Variants in CBLB observed in about 807,000 individuals in gnomAD.
The protein encoded by CBLB is E3 ubiquitin-protein ligase CBL-B.
CBLB carries 31 observed loss-of-function variants against 104.9 expected under a neutral mutation model. The observed-to-expected ratio is 0.30, with a 90% CI of 0.22 to 0.40. The LOEUF (loss-of-function observed/expected upper bound fraction) is 0.40. Ranked by LOEUF, CBLB falls within the 10% of genes least tolerant of loss-of-function variation. The pLI, the probability that CBLB is intolerant of heterozygous loss-of-function variation, is 1.00. For missense variants in CBLB, 1,062 were observed against 1,214.6 expected, an observed-to-expected ratio of 0.87 and a Z score of 1.87; for synonymous variants, 440 against 422.6, an observed-to-expected ratio of 1.04 and a Z score of -0.51.
At position 105,670,972 on chromosome 3, in the gene CBLB, G is replaced by T. The variant is rs1003097967; in HGVS notation, c.2570-620C>A. 5 of 171,610 alleles carry T rather than the reference G, an allele frequency of 2.9e-5. No homozygotes were observed. The East Asian group carries it at 4.3e-4, about 15-fold the overall frequency. The allele number at this position is 171,610 out of a possible 1,614,324, so 10.6% of individuals were successfully genotyped here. ...TAGTAAATTTAATTGTTAAAATTAT[G>T]CCATTTAGTAATTAACATTTGAATA... On this transcript the variant is annotated intron_variant, in intron 17 of 18. Transcript: ENST00000394030.
rs1209960847 is a variant in CBLB, at chr3:105,751,613, A to G, written c.572T>C (p.Ile191Thr). 6.2e-7 allele frequency: 1 copy of G among 1,613,114 alleles called. No individual in the cohort carries two copies. Among genetic ancestry groups the G allele is most frequent in the Non-Finnish European group, 8.5e-7 (1 of 1,179,240 alleles). ...FWRKFFGDKT[I>T]VPWKVFRQCL... is the part of the protein sequence containing the mutation. Reference sequence around the variant, plus strand: ...CTGTCTGAATACTTTCCATGGTACGATAGTTCTGTGCAAGGTGGAAAAAAA... The same window carrying G: ...CTGTCTGAATACTTTCCATGGTACGGTAGTTCTGTGCAAGGTGGAAAAAAA... Residue 191 changes from isoleucine (I) to threonine (T), a missense_variant, in exon 5 of 19, where the codon ATC (isoleucine) becomes ACC (threonine). Around this residue, in one of 2 missense-constraint regions of CBLB, gnomAD observed 457 missense variants for 632.0 expected, o/e 0.72. Transcript: ENST00000394030.
chr3:105,780,662 T>TTTG (rs1275845795), intron 3 of CBLB, among the ~76,000 whole-genome samples: 2 of 113,800 alleles, frequency 1.8e-5, no homozygotes, highest in African/African-American at 3.5e-5. Context: ...TGTTTTTTGT[T>TTTG]TTTTTTTTTT....
intron 12 of CBLB, among the ~76,000 whole-genome samples, chr3:105,695,643 A>G (rs1174678630): frequency 6.6e-6 from 1 of 151,866 alleles, no homozygotes; most frequent in Non-Finnish European, 1.5e-5. Context: ...CACTTTTTCT[A>G]ACTGTTTCAG....
At chr3:105,786,806 T>C (rs6437617) in intron 3 of CBLB, among the ~76,000 whole-genome samples, 149,391 of 152,272 alleles carry the variant, frequency 0.98, 73,352 homozygotes, top group East Asian at 1. Context: ...GAGCAAGAAA[T>C]CTCAGAATAG....
chr3:105,777,570 A>G (rs2079631646), intron 3 of CBLB, among the ~76,000 whole-genome samples: 1 of 152,222 alleles, frequency 6.6e-6, no homozygotes, highest in Admixed American at 6.5e-5. Flanking sequence ...TCAGTGAGAC[A>G]TGAACACGCC....
rs561824567 is a variant in CBLB at position 105,726,730 on chromosome 3, T to C, written c.1204-6480A>G. On this transcript the variant is annotated intron_variant, in intron 9 of 18. Coordinates refer to ENST00000394030, the MANE Select transcript of CBLB (RefSeq NM_170662.5). ...CCCCCCAGCCGCTGACAGACCCTGG[T>C]GTGTGATGTTCCCCTCCTGGGTCCA... is the stretch of plus-strand genomic sequence containing the variant. 5.9e-5 allele frequency among the ~76,000 whole-genome samples: 9 copies of C among 152,172 alleles called. No homozygotes were observed. The East Asian group carries it at 1.7e-3, about 29-fold the overall frequency.
intron 4 of CBLB, among the ~76,000 whole-genome samples, chr3:105,760,527 A>C (rs1219833082): frequency 2.6e-5 from 4 of 152,132 alleles, no homozygotes; most frequent in Non-Finnish European, 5.9e-5. Context: ...TAAAATAAAA[A>C]AATTTCATAC....
intron 3 of CBLB, among the ~76,000 whole-genome samples, chr3:105,840,934 GA>G (rs2089447116): frequency 6.6e-6 from 1 of 151,418 alleles, no homozygotes; most frequent in South Asian, 2.1e-4. Context: ...AGCTTGAAAT[GA>G]AAAGTCTTTG....
intron 8 of CBLB, among the ~76,000 whole-genome samples, chr3:105,734,974 A>C (rs1172384665): frequency 6.6e-6 from 1 of 151,950 alleles, no homozygotes; most frequent in Non-Finnish European, 1.5e-5. Context: ...AATTTGAAAA[A>C]ATACAAATAA....
chr3:105,781,843 A>G (rs192187278), intron 3 of CBLB, among the ~76,000 whole-genome samples: 9 of 152,366 alleles, frequency 5.9e-5, no homozygotes, highest in Admixed American at 6.5e-5. Flanking sequence ...TAATAATTCA[A>G]TTCTCACATT....
At chr3:105,845,197 A>C (rs924154300) in intron 3 of CBLB, among the ~76,000 whole-genome samples, 1 of 152,084 alleles carries the variant, frequency 6.6e-6, no homozygotes, top group Non-Finnish European at 1.5e-5. Context: ...TATCATTCTC[A>C]GGAATATATA....
chr3:105,658,897 C>T lies in CBLB; in HGVS notation c.*73G>A. 3 of 1,521,190 alleles carry T rather than the reference C, an allele frequency of 2.0e-6. No individual in the cohort carries two copies. The highest frequency in any genetic ancestry group is 2.7e-6 in the Non-Finnish European group (3 of 1,099,136). The allele number at this position is 1,521,190 out of a possible 1,614,324, so 94.2% of individuals were successfully genotyped here. On this transcript the variant is annotated 3_prime_UTR_variant, in exon 19 of 19. Transcript: ENST00000394030. ...GAGACACTTCTCTCTTGAATTCCAT[C>T]TCAGTTCTCTTTATTTCCACACTCT... is the stretch of plus-strand genomic sequence containing the variant.
Position 105,820,192 on chromosome 3 carries a change from C to T in CBLB, c.419+33222G>A, listed in dbSNP as rs1277745722. Among the ~76,000 whole-genome samples the T allele has an allele frequency of 1.3e-5, 2 of 152,112 alleles. 1 individual carries two copies. The highest frequency in any genetic ancestry group is 2.9e-5 in the Non-Finnish European group (2 of 68,028). On this transcript the variant is annotated intron_variant, in intron 3 of 18. Transcript: ENST00000394030. Reference sequence around the variant, plus strand: ...CATGCACAGTTCACAATAGGGTTCACACTCCTATGAGAATCTAATGCCACC... The same window carrying T: ...CATGCACAGTTCACAATAGGGTTCATACTCCTATGAGAATCTAATGCCACC...
chr3:105,836,664 A>G (rs188027009), intron 3 of CBLB, among the ~76,000 whole-genome samples: 171 of 152,312 alleles, frequency 1.1e-3, no homozygotes, highest in Middle Eastern at 3.4e-3. Context: ...ATGGCCAACT[A>G]AAATGGTAAA....
At chr3:105,682,558 G>A (rs2066445272) in intron 14 of CBLB, among the ~76,000 whole-genome samples, 1 of 152,178 alleles carries the variant, frequency 6.6e-6, no homozygotes, top group Non-Finnish European at 1.5e-5. Context: ...AAAGGCTGGA[G>A]TGCAGTGGCA....
chr3:105,813,531 C>A (rs1406761426), intron 3 of CBLB, among the ~76,000 whole-genome samples: 2 of 152,010 alleles, frequency 1.3e-5, no homozygotes, highest in Admixed American at 1.3e-4. Context: ...GTCCTAATTT[C>A]AATTACCAAC....
At chr3:105,807,733 T>C (rs926675719) in intron 3 of CBLB, among the ~76,000 whole-genome samples, 1 of 152,196 alleles carries the variant, frequency 6.6e-6, no homozygotes, top group Non-Finnish European at 1.5e-5. Context: ...AAGACTATAC[T>C]GTGAGTTTGT....
At chr3:105,682,859 G>A (rs1212464261) in intron 14 of CBLB, among the ~76,000 whole-genome samples, 1 of 152,136 alleles carries the variant, frequency 6.6e-6, no homozygotes, top group Admixed American at 6.5e-5. Context: ...TTAAAATTGA[G>A]CCATGGGAAG....
chr3:105,718,014 T>C (rs1170720062), intron 10 of CBLB, among the ~76,000 whole-genome samples: 1 of 152,148 alleles, frequency 6.6e-6, no homozygotes, highest in Non-Finnish European at 1.5e-5. Flanking sequence ...GTTATATAAC[T>C]TGCCTAGCAT....
Sources: gnomAD v4.1 joint callset for allele counts (sites outside exome capture counted in the v4.1 genomes callset) on GRCh38, gnomAD v4.1.1 for gene constraint, gnomAD v4.1.1 regional missense constraint, MANE v1.5 for transcripts, NCBI Gene and HGNC (gene_info 2026-07-23, HGNC 2026-07-21) for gene names.